Variants in HDHD5 observed in about 807,000 individuals in gnomAD.
HDHD5 encodes haloacid dehalogenase-like hydrolase domain-containing 5.
In HDHD5, 34 loss-of-function variants were observed where a neutral mutation model predicts 35.5. The observed-to-expected ratio is 0.96, with a 90% CI of 0.73 to 1.28. HDHD5 has a LOEUF of 1.28. HDHD5 is among the 50% of genes most tolerant of loss of function. HDHD5 has a pLI of 0.00. For synonymous variants in HDHD5, 248 were observed against 240.6 expected (o/e 1.03, Z -0.29); for missense variants, 589 against 560.2 (o/e 1.05, Z -0.52).
chr22:17,147,901 G>A (rs1045933343), intron 3 of HDHD5, among the ~76,000 whole-genome samples: 6 of 152,178 alleles, frequency 3.9e-5, no homozygotes, highest in African/African-American at 1.4e-4. Context: ...TAAGTCCTAC[G>A]CCCTCATCCT....
At chr22:17,159,855 C>T (rs1447738401), upstream of HDHD5, 1 of 236,968 alleles carries the variant, frequency 4.2e-6, no homozygotes, top group Non-Finnish European at 8.5e-6. Flanking sequence ...ATGACTACTC[C>T]AGAGAGGGCC....
At chr22:17,143,265 G>A in intron 4 of HDHD5, 134 bp from the exon 5 acceptor site, 5 of 892,926 alleles carry the variant, frequency 5.6e-6, no homozygotes, top group Non-Finnish European at 8.2e-6. Flanking sequence ...TCAAGCCCAA[G>A]CCAAGGGAAA....
At chr22:17,155,535 G>A (rs989096411) in intron 1 of HDHD5, among the ~76,000 whole-genome samples, 4 of 152,012 alleles carry the variant, frequency 2.6e-5, no homozygotes, top group Admixed American at 2.0e-4. Flanking sequence ...ATGACCCACC[G>A]CGCCCGGCCC....
chr22:17,159,102 C>A, intron 1 of HDHD5, 24 bp downstream of exon 1: 1 of 1,240,440 alleles, frequency 8.1e-7, no homozygotes, highest in East Asian at 3.1e-5. Flanking sequence ...GCGAGTGGCT[C>A]GGCCAGAACC....
At chr22:17,162,773 A>G (rs1357258395), upstream of HDHD5, among the ~76,000 whole-genome samples, 2 of 152,254 alleles carry the variant, frequency 1.3e-5, no homozygotes, top group Non-Finnish European at 2.9e-5. Flanking sequence ...CACTTCCAGG[A>G]ACAAGGGCAC....
At chr22:17,153,293 A>G (rs2061749387) in intron 1 of HDHD5, among the ~76,000 whole-genome samples, 1 of 152,220 alleles carries the variant, frequency 6.6e-6, no homozygotes, top group Non-Finnish European at 1.5e-5. Context: ...GACTGGACAA[A>G]TAAGGCATCA....
Position 17,149,700 on chromosome 22 carries a change from C to T in HDHD5, c.172G>A (p.Val58Met). The change falls in exon 2 of 8, where the codon GTG becomes ATG. Residue 58 changes from valine (V) to methionine (M), a missense_variant. By Grantham distance (21) the Val-to-Met change is conservative (BLOSUM62 1). Coordinates refer to ENST00000336737, the MANE Select transcript of HDHD5 (RefSeq NM_033070.3). Reference protein sequence around the residue: ...GFLLDIDGVLVRGHRVIPAAL... With the variant: ...GFLLDIDGVLMRGHRVIPAAL... ...GCAGGGATCACTCTGTGGCCCCGCA[C>T]AAGCACTCCATCGATGTCCAACAGG... 1 of 1,614,072 alleles carries T rather than the reference C, an allele frequency of 6.2e-7. No homozygotes were observed. Among genetic ancestry groups the T allele is most frequent in the Non-Finnish European group, 8.5e-7 (1 of 1,180,040 alleles).
In HDHD5 at chr22:17,143,088, C is replaced by A; in HGVS notation, c.571+10G>T. The A allele has an allele frequency of 6.2e-7, 1 of 1,608,882 alleles. No individual in the cohort carries two copies. The highest frequency in any genetic ancestry group is 8.5e-7 in the Non-Finnish European group (1 of 1,177,908). ...AGACCTCACAACTCATCAAAGAGGA[C>A]CTCTCTTACCTTCAATGCGGGGGAA... On this transcript the variant is annotated intron_variant, in intron 5 of 7. Transcript: ENST00000336737.
intron 5 of HDHD5, chr22:17,141,501 G>C: frequency 7.7e-6 from 10 of 1,291,246 alleles, no homozygotes; most frequent in Non-Finnish European, 9.8e-6. Flanking sequence ...CAAAACAAAA[G>C]CAGCATGTCT....
At chr22:17,148,603 A>G (rs1267929360) in intron 2 of HDHD5, 43 bp from the exon 3 acceptor site, 1 of 1,430,202 alleles carries the variant, frequency 7.0e-7, no homozygotes, top group South Asian at 1.1e-5. Context: ...GGAAGACAGA[A>G]CTGTTGAGGG....
Position 17,153,270 on chromosome 22 carries a change from C to T in HDHD5, c.127-3525G>A, listed in dbSNP as rs559429786. ...TTATACAAGGTGTTCAATATACAGG[C>T]ACTAAATTACCTGACTGGACAAATA... On this transcript the variant is annotated intron_variant, in intron 1 of 7. Coordinates refer to ENST00000336737, the MANE Select transcript of HDHD5 (RefSeq NM_033070.3). Among the ~76,000 whole-genome samples the T allele has an allele frequency of 5.9e-5, 9 of 152,302 alleles. No individual in the cohort carries two copies. In the South Asian group the frequency reaches 1.7e-3, roughly 28 times the overall value.
intron 3 of HDHD5, among the ~76,000 whole-genome samples, chr22:17,147,609 G>A (rs1318935692): frequency 7.3e-6 from 1 of 137,590 alleles, no homozygotes; most frequent in Non-Finnish European, 1.5e-5. Flanking sequence ...GCGCCCTCCT[G>A]TGAGCTTACC....
intron 1 of HDHD5, chr22:17,158,877 A>T (rs1408903183): frequency 3.4e-6 from 1 of 290,820 alleles, no homozygotes; most frequent in Non-Finnish European, 6.3e-6. Flanking sequence ...GCTGACAAGC[A>T]GCCTGGCCCA....
At chr22:17,145,642 T>G (rs1432626708) in intron 3 of HDHD5, among the ~76,000 whole-genome samples, 1 of 152,096 alleles carries the variant, frequency 6.6e-6, no homozygotes, top group Non-Finnish European at 1.5e-5. Flanking sequence ...CAGTGAGCTA[T>G]GATTGCACCA....
rs7287672 is a variant in HDHD5 at position 17,159,155 on chromosome 22, G to A, written c.97C>T (p.Arg33Cys). 368,679 of 1,222,890 alleles carry A rather than the reference G, an allele frequency of 0.3. 57,362 individuals carry two copies. Among genetic ancestry groups the A allele is most frequent in the Middle Eastern group, 0.35 (1,156 of 3,284 alleles). 75.8% of individuals were successfully genotyped at this position (1,222,890 alleles called of 1,614,324 possible). A position where few individuals can be genotyped will look rare whatever the true frequency, so the allele number is the denominator to read the frequency against. Residue 33 changes from arginine to cysteine, a missense_variant, in exon 1 of 8, where the codon CGC (arginine) becomes TGC (cysteine). Transcript: ENST00000336737. ...GCGGGGCCCACAGCATAGCACCTGC[G>A]GGCGGGGCGGCCCTGGAGCCCCGCA... ...AAAGLQGRPA[R>C]RCYAVGPAQS...
At chr22:17,154,479 C>CA (rs1481849734) in intron 1 of HDHD5, among the ~76,000 whole-genome samples, 1 of 149,628 alleles carries the variant, frequency 6.7e-6, no homozygotes, top group Non-Finnish European at 1.5e-5. Flanking sequence ...AACTCCATCT[C>CA]AAAAAATAAA....
At chr22:17,148,285 A>T (rs2061687584) in intron 3 of HDHD5, among the ~76,000 whole-genome samples, 163 bp downstream of exon 3, 1 of 152,144 alleles carries the variant, frequency 6.6e-6, no homozygotes, top group Non-Finnish European at 1.5e-5. Context: ...ACCAGACATG[A>T]GGACTGACCA....
intron 4 of HDHD5, 148 bp downstream of exon 4, chr22:17,144,876 G>T (rs745744551): frequency 5.2e-6 from 5 of 964,890 alleles, no homozygotes; most frequent in Admixed American, 4.4e-5. Flanking sequence ...TAAATTCAGG[G>T]AACAAAACCC....
At chr22:17,154,616 C>CTT (rs56885882) in intron 1 of HDHD5, among the ~76,000 whole-genome samples, 3 of 126,214 alleles carry the variant, frequency 2.4e-5, no homozygotes, top group South Asian at 5.1e-4. Flanking sequence ...TCCTTATTTT[C>CTT]TTTTTTTTTT....
Sources: gnomAD v4.1 joint callset for allele counts (sites outside exome capture counted in the v4.1 genomes callset) on GRCh38, gnomAD v4.1.1 for gene constraint, MANE v1.5 for transcripts, NCBI Gene and HGNC (gene_info 2026-07-23, HGNC 2026-07-21) for gene names.